Variants in COL5A1 observed in about 807,000 individuals in gnomAD.
COL5A1 encodes the protein collagen type V alpha 1 chain.
COL5A1 carries 16 observed loss-of-function variants against 263.7 expected under a neutral mutation model. That is an observed-to-expected ratio of 0.06 (90% CI 0.04 to 0.09). COL5A1 has a LOEUF of 0.09. COL5A1 is among the 10% of genes least tolerant of loss of function. COL5A1 has a pLI of 1.00. For synonymous variants in COL5A1, 1,012 were observed against 1,004.5 expected, an observed-to-expected ratio of 1.01 and a Z score of -0.14; for missense variants, 2,036 against 2,540.5, an observed-to-expected ratio of 0.80 and a Z score of 4.27.
chr9:134,683,858 T>C (rs1832933768), intron 1 of COL5A1, among the ~76,000 whole-genome samples: 1 of 152,198 alleles, frequency 6.6e-6, no homozygotes, highest in Non-Finnish European at 1.5e-5. Context: ...TGAAGACCCG[T>C]TCCCCACTGG....
rs995174141 is a variant in COL5A1, at chr9:134,642,482, G to A, written c.109+186G>A. On this transcript the variant is annotated intron_variant, in intron 1 of 65. Coordinates refer to ENST00000371817, the MANE Select transcript of COL5A1 (RefSeq NM_000093.5). The surrounding 1 kb of genome is among the most constrained non-coding windows in gnomAD (Gnocchi z 4.5). ...GACGACACGCAGACACAATGCCCGC[G>A]GGCGCGCCGCCGCCCCCTCCCCAGA... Among the ~76,000 whole-genome samples the A allele has an allele frequency of 2.6e-5, 4 of 151,516 alleles. No homozygotes were observed. Among genetic ancestry groups the A allele is most frequent in the Middle Eastern group, 3.4e-3 (1 of 290 alleles).
At chr9:134,771,568 G>A (rs1005224786) in intron 25 of COL5A1, among the ~76,000 whole-genome samples, 1 of 152,198 alleles carries the variant, frequency 6.6e-6, no homozygotes, top group Admixed American at 6.5e-5. Context: ...AAACCCAATT[G>A]GACAGCTAAT....
chr9:134,672,536 G>A (rs1364899215), intron 1 of COL5A1, among the ~76,000 whole-genome samples: 1 of 152,160 alleles, frequency 6.6e-6, no homozygotes, highest in East Asian at 1.9e-4. Context: ...AGGAATAAAA[G>A]AGAAGCCCCT....
In COL5A1 at chr9:134,730,443, A is replaced by C. The variant is rs757379111; in HGVS notation, c.1132A>C (p.Thr378Pro). Residue 378 changes from threonine (T) to proline (P), a missense_variant, in exon 7 of 66, where the codon ACC becomes CCC. Coordinates refer to ENST00000371817, the MANE Select transcript of COL5A1 (RefSeq NM_000093.5). The stretch of plus-strand genomic sequence containing the variant: ...CCCAGGCGCTGGGGCCGAAATTCCC[A>C]CCAGCACCGCCGACACCTCCAACTC... ...TDPGAGAEIPTSTADTSNSSN... is the reference protein window; with the variant it reads ...TDPGAGAEIPPSTADTSNSSN... The C allele has an allele frequency of 6.8e-6, 11 of 1,613,814 alleles. No homozygotes were observed. In the South Asian group the frequency reaches 9.9e-5, roughly 14 times the overall value.
At chr9:134,733,515 G>A (rs1038893576) in intron 9 of COL5A1, among the ~76,000 whole-genome samples, 7 of 152,226 alleles carry the variant, frequency 4.6e-5, no homozygotes, top group African/African-American at 1.7e-4. Context: ...TGGGGGTCCA[G>A]GGAAGACAGA....
intron 30 of COL5A1, among the ~76,000 whole-genome samples, chr9:134,785,457 T>C (rs1588546520): frequency 6.6e-6 from 1 of 152,106 alleles, no homozygotes; most frequent in East Asian, 1.9e-4. Flanking sequence ...GGCCTGAAGG[T>C]GTGGCAGCCT....
At chr9:134,810,111 TG>T in intron 43 of COL5A1, 143 bp from the exon 44 acceptor site, 1 of 860,870 alleles carries the variant, frequency 1.2e-6, no homozygotes, top group Non-Finnish European at 2.0e-6. Flanking sequence ...AGCTAATATA[TG>T]GAAACATTTA....
In COL5A1 at chr9:134,731,614, C is replaced by T. The variant is rs770793962; in HGVS notation, c.1283C>T (p.Ser428Leu). ...TACTACGACCCCACCAGCTCCCCGTCGGAGATCGGGCCGGGAATGCCGGCG... is the reference window on the plus strand; with the variant it reads ...TACTACGACCCCACCAGCTCCCCGTTGGAGATCGGGCCGGGAATGCCGGCG... ...DPYYDPTSSP[S>L]EIGPGMPANQ... The change falls in exon 8 of 66, where the codon TCG becomes TTG. Residue 428 changes from serine (S) to leucine (L), a missense_variant. Ser to Leu is a moderately radical substitution (Grantham distance 145). Transcript: ENST00000371817. The T allele has an allele frequency of 4.3e-5, 70 of 1,614,030 alleles. No homozygotes were observed. The highest frequency in any genetic ancestry group is 1.6e-4 in the African/African-American group (12 of 74,930).
At chr9:134,748,139 A>C (rs986042225) in intron 11 of COL5A1, among the ~76,000 whole-genome samples, 6 of 138,342 alleles carry the variant, frequency 4.3e-5, no homozygotes, top group African/African-American at 8.1e-5. Context: ...ACACATGCAT[A>C]CACATGCATT....
At chr9:134,690,449 G>A (rs1833238201) in intron 1 of COL5A1, among the ~76,000 whole-genome samples, 1 of 152,220 alleles carries the variant, frequency 6.6e-6, no homozygotes, top group Non-Finnish European at 1.5e-5. Context: ...CCATAAGGCG[G>A]TCAGCTCCGC....
intron 11 of COL5A1, among the ~76,000 whole-genome samples, chr9:134,749,395 C>T (rs1835693929): frequency 6.6e-6 from 1 of 152,214 alleles, no homozygotes; most frequent in East Asian, 1.9e-4. Flanking sequence ...TTCACTTTCA[C>T]TGTATAAATG....
chr9:134,735,763 T>C (rs1416185469), intron 9 of COL5A1, among the ~76,000 whole-genome samples: 1 of 152,230 alleles, frequency 6.6e-6, no homozygotes, highest in African/African-American at 2.4e-5. Context: ...AGACGGAAAT[T>C]GGAAAACTGG....
At position 134,816,937 on chromosome 9, in the gene COL5A1, GT is replaced by G. The variant is rs879711406; in HGVS notation, c.4123-88del. 104 of 1,227,148 alleles carry G rather than the reference GT, an allele frequency of 8.5e-5. 1 individual carries two copies. The highest frequency in any genetic ancestry group is 1.2e-4 in the Non-Finnish European group (101 of 828,034). The allele number at this position is 1,227,148 out of a possible 1,614,324, so 76.0% of individuals were successfully genotyped here. On this transcript the variant is annotated intron_variant, in intron 52 of 65. Transcript: ENST00000371817. ...AGGCGGCCGCAGGGCTGGCCGAGGA[GT>G]AAATAGACTGAAATCGCCATGTGTT... is the stretch of plus-strand genomic sequence containing the variant.
At chr9:134,781,933 T>A (rs1179215460) in intron 28 of COL5A1, among the ~76,000 whole-genome samples, 1 of 152,186 alleles carries the variant, frequency 6.6e-6, no homozygotes, top group Admixed American at 6.5e-5. Flanking sequence ...TCACTCTTTT[T>A]GGATCAAGAT....
In COL5A1 at chr9:134,816,951, A is replaced by G. The variant is rs1051096954; in HGVS notation, c.4123-75A>G. On this transcript the variant is annotated intron_variant, in intron 52 of 65. Coordinates refer to ENST00000371817, the MANE Select transcript of COL5A1 (RefSeq NM_000093.5). ...CTGGCCGAGGAGTAAATAGACTGAA[A>G]TCGCCATGTGTTTTGCCTCAATTGA... is the stretch of plus-strand genomic sequence containing the variant. The G allele has an allele frequency of 2.8e-5, 38 of 1,338,930 alleles. No individual in the cohort carries two copies. In the South Asian group the frequency reaches 4.5e-4, roughly 16 times the overall value. 82.9% of individuals were successfully genotyped at this position (1,338,930 alleles called of 1,614,324 possible).
chr9:134,792,781 A>G (rs79286007), intron 32 of COL5A1, among the ~76,000 whole-genome samples: 1,751 of 39,330 alleles, frequency 0.045, 33 homozygotes, highest in African/African-American at 0.11. Context: ...GCGTGTGTGT[A>G]CATATGTGTG....
intron 2 of COL5A1, among the ~76,000 whole-genome samples, chr9:134,694,317 A>C (rs1481066157): frequency 6.6e-6 from 1 of 152,240 alleles, no homozygotes; most frequent in African/African-American, 2.4e-5. Context: ...CAGGCCGCAC[A>C]GGCGTTGACC....
chr9:134,808,617 G>GT (rs1163485706), intron 42 of COL5A1, among the ~76,000 whole-genome samples: 2 of 152,096 alleles, frequency 1.3e-5, no homozygotes, highest in East Asian at 3.9e-4. Context: ...GAGTATGCTT[G>GT]TTTTGTGCAC....
chr9:134,688,285 T>C (rs943809068), intron 1 of COL5A1, among the ~76,000 whole-genome samples: 1 of 152,132 alleles, frequency 6.6e-6, no homozygotes, highest in Non-Finnish European at 1.5e-5. Context: ...GGGCTTGTTA[T>C]GGTGTGAGTC....
Sources: gnomAD v4.1 joint callset for allele counts (sites outside exome capture counted in the v4.1 genomes callset) on GRCh38, gnomAD v4.1.1 for gene constraint, Gnocchi (gnomAD v3.1) non-coding constraint, MANE v1.5 for transcripts, NCBI Gene and HGNC (gene_info 2026-07-23, HGNC 2026-07-21) for gene names.